CACNA2D3: variants seen among roughly 807,000 people sequenced by gnomAD.
The protein encoded by CACNA2D3 is calcium voltage-gated channel auxiliary subunit alpha2delta 3.
CACNA2D3 carries 60 observed loss-of-function variants against 160.6 expected under a neutral mutation model. That is an observed-to-expected ratio of 0.37 (90% CI 0.30 to 0.46). The LOEUF (loss-of-function observed/expected upper bound fraction) is 0.46. Ranked by LOEUF, CACNA2D3 falls within the 20% of genes least tolerant of loss-of-function variation. The pLI, the probability that CACNA2D3 is intolerant of heterozygous loss-of-function variation, is 1.00. For synonymous variants in CACNA2D3, 558 were observed against 492.9 expected (o/e 1.13, Z -1.75); for missense variants, 1,205 against 1,365.0 (o/e 0.88, Z 1.85).
chr3:54,876,427 GCCACCTT>G (rs928611886), intron 18 of CACNA2D3: 2 of 152,178 alleles, frequency 1.3e-5, no homozygotes, highest in African/African-American at 4.8e-5. Flanking sequence ...AGGACAGAAA[GCCACCTT>G]CCTGTCAACC....
chr3:54,291,449 A>C (rs1023583632), intron 2 of CACNA2D3, among the ~76,000 whole-genome samples: 5 of 152,154 alleles, frequency 3.3e-5, no homozygotes, highest in South Asian at 4.1e-4. Context: ...ATTTTCATTC[A>C]TATTGGTGAA....
chr3:54,122,834 G>C lies in CACNA2D3; in HGVS notation c.121G>C (p.Val41Leu). 1 of 1,230,744 alleles carries C rather than the reference G, an allele frequency of 8.1e-7. No homozygotes were observed. Among genetic ancestry groups the C allele is most frequent in the Non-Finnish European group, 1.0e-6 (1 of 981,610 alleles). The allele number at this position is 1,230,744 out of a possible 1,614,324, so 76.2% of individuals were successfully genotyped here. A position where few individuals can be genotyped will look rare whatever the true frequency, so the allele number is the denominator to read the frequency against. The change falls in exon 1 of 38, where the codon GTG (valine) becomes CTG (leucine). Residue 41 changes from valine to leucine, a missense_variant and splice_region_variant. This residue lies in a region of CACNA2D3 where 163 missense variants were observed against 161.3 expected (regional missense o/e 1.01). Coordinates refer to ENST00000474759, the MANE Select transcript of CACNA2D3 (RefSeq NM_018398.3). ...CTCGGAGCAGCAGATACCGCTCTCCGTGTAAGTGCCGGCTCCTGCGCCGCC... is the reference window on the plus strand; with the variant it reads ...CTCGGAGCAGCAGATACCGCTCTCCCTGTAAGTGCCGGCTCCTGCGCCGCC... Reference protein sequence around the residue: ...VRSEQQIPLSVVKLWASAFGG... With the variant: ...VRSEQQIPLSLVKLWASAFGG...
chr3:54,808,309 A>G (rs1703188614), intron 13 of CACNA2D3, among the ~76,000 whole-genome samples: 1 of 152,154 alleles, frequency 6.6e-6, no homozygotes, highest in African/African-American at 2.4e-5. Flanking sequence ...GGTCTCATGG[A>G]TGTGGGGTCA....
At chr3:54,512,604 G>A (rs1055176864) in intron 5 of CACNA2D3, among the ~76,000 whole-genome samples, 1 of 152,154 alleles carries the variant, frequency 6.6e-6, no homozygotes, top group Non-Finnish European at 1.5e-5. Flanking sequence ...TGTGGAGGTA[G>A]AGTTGCTGGG....
At chr3:54,327,420 T>G (rs137856363) in intron 3 of CACNA2D3, among the ~76,000 whole-genome samples, 3 of 152,360 alleles carry the variant, frequency 2.0e-5, no homozygotes, top group Non-Finnish European at 4.4e-5. Context: ...ACTTTCATGC[T>G]TATTCTGGGG....
intron 5 of CACNA2D3, among the ~76,000 whole-genome samples, chr3:54,561,651 C>A (rs9864433): frequency 0.75 from 113,582 of 152,098 alleles, 43,785 homozygotes; most frequent in African/African-American, 0.93. Context: ...TAAATCACTG[C>A]ACTGAAGGCA....
intron 25 of CACNA2D3, 138 bp from the exon 26 acceptor site, chr3:54,896,611 C>T: frequency 2.2e-6 from 2 of 910,318 alleles, no homozygotes; most frequent in Non-Finnish European, 3.5e-6. Context: ...TAAGTGAGGC[C>T]CCCTCTATAC....
chr3:54,767,487 A>G (rs911895968), intron 13 of CACNA2D3, among the ~76,000 whole-genome samples: 1 of 152,110 alleles, frequency 6.6e-6, no homozygotes, highest in African/African-American at 2.4e-5. Context: ...GGATCTGCCT[A>G]TGGGATTAGA....
At chr3:54,566,451 G>T (rs1203593607) in intron 6 of CACNA2D3, among the ~76,000 whole-genome samples, 1 of 152,162 alleles carries the variant, frequency 6.6e-6, no homozygotes, top group Non-Finnish European at 1.5e-5. Flanking sequence ...CCCTCTGTGG[G>T]ACCCGTTTTC....
chr3:54,565,656 T>TTTAAAA (rs1163002860), intron 6 of CACNA2D3, among the ~76,000 whole-genome samples: 11 of 152,208 alleles, frequency 7.2e-5, no homozygotes, highest in Admixed American at 7.2e-4. Context: ...TTTAACTTTA[T>TTTAAAA]TTAAAATTAA....
chr3:54,383,013 A>G (rs912446527), intron 3 of CACNA2D3, among the ~76,000 whole-genome samples: 2 of 151,748 alleles, frequency 1.3e-5, no homozygotes, highest in Admixed American at 1.3e-4. Flanking sequence ...ACGCCTGGCT[A>G]ATTTTTGTAT....
chr3:54,277,190 T>C (rs1008734132), intron 2 of CACNA2D3, among the ~76,000 whole-genome samples: 1 of 152,208 alleles, frequency 6.6e-6, no homozygotes, highest in Non-Finnish European at 1.5e-5. Flanking sequence ...CCTCCCTTTT[T>C]AAAATCCCGC....
intron 4 of CACNA2D3, among the ~76,000 whole-genome samples, chr3:54,466,021 T>C (rs964402195): frequency 2.6e-5 from 4 of 152,196 alleles, no homozygotes; most frequent in African/African-American, 9.6e-5. Flanking sequence ...CCCCTCCACC[T>C]TCAAAACCAC....
intron 3 of CACNA2D3, among the ~76,000 whole-genome samples, chr3:54,379,489 G>A (rs1699064512): frequency 1.3e-5 from 2 of 152,232 alleles, no homozygotes; most frequent in Non-Finnish European, 2.9e-5. Context: ...AACTGCAGTT[G>A]CAGCATTGCA....
intron 29 of CACNA2D3, among the ~76,000 whole-genome samples, chr3:54,971,964 C>A (rs1277823335): frequency 6.6e-6 from 1 of 151,982 alleles, no homozygotes; most frequent in Non-Finnish European, 1.5e-5. Flanking sequence ...GGTATGGCTC[C>A]TGGAAATGAT....
chr3:54,318,561 G>A (rs1184630492), intron 2 of CACNA2D3, among the ~76,000 whole-genome samples: 1 of 151,902 alleles, frequency 6.6e-6, no homozygotes, highest in Non-Finnish European at 1.5e-5. Context: ...CAAGCTCTTG[G>A]GTCTAATATT....
In CACNA2D3 at chr3:54,718,218, A is replaced by G. The variant is rs535349580; in HGVS notation, c.1168-34381A>G. On this transcript the variant is annotated intron_variant, in intron 11 of 37. Transcript: ENST00000474759. ...TTCTTTTAATGCTATCTTTTGATGA[A>G]CAGAAGTTTTTAAAAATTTTGGTAA... 4.6e-5 allele frequency among the ~76,000 whole-genome samples: 7 copies of G among 152,222 alleles called. No homozygotes were observed. In the East Asian group the frequency reaches 1.4e-3, roughly 29 times the overall value.
At chr3:54,508,104 G>A (rs1701401534) in intron 5 of CACNA2D3, among the ~76,000 whole-genome samples, 2 of 152,218 alleles carry the variant, frequency 1.3e-5, no homozygotes, top group South Asian at 4.1e-4. Flanking sequence ...TGTGGAGTGG[G>A]GCAAGTTGGG....
At chr3:54,522,313 C>T (rs1028020106) in intron 5 of CACNA2D3, among the ~76,000 whole-genome samples, 1 of 151,686 alleles carries the variant, frequency 6.6e-6, no homozygotes, top group Non-Finnish European at 1.5e-5. Context: ...AAATTGTTTT[C>T]TTAATTTCAT....
Sources: gnomAD v4.1 joint callset for allele counts (sites outside exome capture counted in the v4.1 genomes callset) on GRCh38, gnomAD v4.1.1 for gene constraint, gnomAD v4.1.1 regional missense constraint, MANE v1.5 for transcripts, NCBI Gene and HGNC (gene_info 2026-07-23, HGNC 2026-07-21) for gene names.